The following ACVR1 variants were observed in gnomAD, a reference collection of about 807,000 sequenced individuals.
ACVR1 encodes the protein activin receptor type-1.
Under a neutral mutation model 57.1 loss-of-function variants are expected in ACVR1, and 38 were observed. The observed-to-expected ratio is 0.67, with a 90% CI of 0.51 to 0.87. The LOEUF is 0.87. Among genes scored for constraint, ACVR1 ranks in the 40% least tolerant of loss-of-function variants. The pLI is 0.00. For missense variants in ACVR1, 463 were observed against 638.2 expected (o/e 0.73, Z 2.96); for synonymous variants, 212 against 228.1 (o/e 0.93, Z 0.63).
At chr2:157,834,747 A>G (rs1688718660) in intron 1 of ACVR1, among the ~76,000 whole-genome samples, 2 of 152,266 alleles carry the variant, frequency 1.3e-5, no homozygotes, top group East Asian at 3.9e-4. Context: ...TCAAATTCAT[A>G]TGTTGTAACC....
At chr2:157,769,734 G>A (rs1017503697) in intron 7 of ACVR1, among the ~76,000 whole-genome samples, 2 of 152,168 alleles carry the variant, frequency 1.3e-5, no homozygotes, top group African/African-American at 2.4e-5. Context: ...CACCATACAT[G>A]TATCAGTATA....
chr2:157,757,045 A>ATATAT (rs1559039330), intron 9 of ACVR1, among the ~76,000 whole-genome samples: 1,174 of 98,140 alleles, frequency 0.012, 9 homozygotes, highest in Middle Eastern at 0.043. Context: ...TATATATATA[A>ATATAT]AATAGAATAC....
chr2:157,814,556 C>A (rs1384671484), intron 2 of ACVR1, among the ~76,000 whole-genome samples: 5 of 152,210 alleles, frequency 3.3e-5, no homozygotes, highest in African/African-American at 9.7e-5. Context: ...GGTCTATAAA[C>A]AGAGCAACTT....
intron 2 of ACVR1, among the ~76,000 whole-genome samples, chr2:157,803,168 T>A (rs182296384): frequency 6.6e-6 from 1 of 151,948 alleles, no homozygotes; most frequent in Non-Finnish European, 1.5e-5. Flanking sequence ...ATTTTCCACG[T>A]CACAAAGCCA....
At position 157,737,173 on chromosome 2, in the gene ACVR1, C is replaced by T. The variant is rs79598188; in HGVS notation, c.*358G>A. 6.6e-3 allele frequency: 2,338 copies of T among 356,856 alleles called. 20 individuals are homozygous for T. The highest frequency in any genetic ancestry group is 0.011 in the South Asian group (302 of 26,916). The allele number at this position is 356,856 out of a possible 1,614,324, so 22.1% of individuals were successfully genotyped here. A position where few individuals can be genotyped will look rare whatever the true frequency, so the allele number is the denominator to read the frequency against. On this transcript the variant is annotated 3_prime_UTR_variant, in exon 11 of 11. Coordinates refer to ENST00000434821, the MANE Select transcript of ACVR1 (RefSeq NM_001111067.4). ...AAATTCACCACCTCCTTGAGTTTCC[C>T]GTGGGGAGTGTCTAGGAGACTTGTG... is the stretch of plus-strand genomic sequence containing the variant.
In ACVR1 at chr2:157,737,791, T is replaced by C. The variant is rs535456170; in HGVS notation, c.1396-126A>G. On this transcript the variant is annotated intron_variant, in intron 10 of 10. Coordinates refer to ENST00000434821, the MANE Select transcript of ACVR1 (RefSeq NM_001111067.4). ...TCTTGTGAAATTAGAGTTATGTTAC[T>C]GTCATCTTCTTCAAGCAAATATTCA... is the stretch of plus-strand genomic sequence containing the variant. 31 of 1,255,672 alleles carry C rather than the reference T, an allele frequency of 2.5e-5. No homozygotes were observed. The African/African-American group carries it at 3.6e-4, about 14-fold the overall frequency. 77.8% of individuals were successfully genotyped at this position (1,255,672 alleles called of 1,614,324 possible).
At chr2:157,853,957 G>A (rs938670404) in intron 1 of ACVR1, among the ~76,000 whole-genome samples, 8 of 151,986 alleles carry the variant, frequency 5.3e-5, no homozygotes, top group African/African-American at 1.2e-4. Flanking sequence ...TCTCCCTAAC[G>A]CAGGTTAAGT....
intron 1 of ACVR1, among the ~76,000 whole-genome samples, chr2:157,862,113 A>G (rs1383709354): frequency 1.3e-5 from 2 of 152,214 alleles, no homozygotes; most frequent in Non-Finnish European, 2.9e-5. Context: ...AAAATTATGC[A>G]TGACCCACAG....
intron 1 of ACVR1, among the ~76,000 whole-genome samples, chr2:157,859,743 A>T (rs200291899): frequency 6.6e-6 from 1 of 152,166 alleles, no homozygotes; most frequent in South Asian, 2.1e-4. Flanking sequence ...AATAAGTTCC[A>T]GCCCCCTAAT....
intron 9 of ACVR1, among the ~76,000 whole-genome samples, chr2:157,743,333 C>T (rs1281293500): frequency 6.6e-6 from 1 of 152,128 alleles, no homozygotes; most frequent in Non-Finnish European, 1.5e-5. Context: ...CATACTCAGT[C>T]ACTTTCCTGT....
chr2:157,856,134 G>A (rs1192717186), intron 1 of ACVR1, among the ~76,000 whole-genome samples: 3 of 152,034 alleles, frequency 2.0e-5, no homozygotes, highest in African/African-American at 7.2e-5. Flanking sequence ...CCTTAGTAGA[G>A]GTAGAAAAAA....
At chr2:157,822,476 A>C (rs1436138497) in intron 1 of ACVR1, among the ~76,000 whole-genome samples, 2 of 152,248 alleles carry the variant, frequency 1.3e-5, no homozygotes, top group African/African-American at 4.8e-5. Context: ...GACCATGAGA[A>C]ATGGGAATTT....
At chr2:157,751,064 G>A (rs1471031119) in intron 9 of ACVR1, among the ~76,000 whole-genome samples, 3 of 152,144 alleles carry the variant, frequency 2.0e-5, no homozygotes, top group Non-Finnish European at 4.4e-5. Flanking sequence ...AGAATCAACG[G>A]ACCCTTTGAA....
intron 7 of ACVR1, among the ~76,000 whole-genome samples, chr2:157,768,183 GC>G (rs1373238124): frequency 3.9e-5 from 6 of 152,040 alleles, no homozygotes; most frequent in African/African-American, 1.4e-4. Context: ...TATTCCCATG[GC>G]CAGCCCTGAG....
At chr2:157,795,920 C>A (rs1459245885) in intron 3 of ACVR1, among the ~76,000 whole-genome samples, 1 of 152,106 alleles carries the variant, frequency 6.6e-6, no homozygotes, top group East Asian at 1.9e-4. Flanking sequence ...ATGATATCAT[C>A]TGAACTGCCC....
intron 3 of ACVR1, among the ~76,000 whole-genome samples, chr2:157,796,056 T>C (rs1429902119): frequency 1.3e-5 from 2 of 151,418 alleles, no homozygotes; most frequent in Non-Finnish European, 2.9e-5. Flanking sequence ...AGACCCCAGC[T>C]CTACAAAAAA....
intron 7 of ACVR1, among the ~76,000 whole-genome samples, chr2:157,768,251 G>A (rs1685943988): frequency 6.6e-6 from 1 of 152,024 alleles, no homozygotes; most frequent in African/African-American, 2.4e-5. Flanking sequence ...TGCTTCTCTT[G>A]GAGCCCTTAG....
intron 1 of ACVR1, among the ~76,000 whole-genome samples, chr2:157,872,300 T>C (rs546115413): frequency 7.9e-5 from 12 of 152,366 alleles, no homozygotes; most frequent in African/African-American, 2.6e-4. Context: ...TAACATTTCA[T>C]CCAGGCCCTG....
intron 2 of ACVR1, among the ~76,000 whole-genome samples, chr2:157,811,971 A>C (rs966934628): frequency 1.3e-5 from 2 of 152,258 alleles, no homozygotes; most frequent in African/African-American, 4.8e-5. Flanking sequence ...GTTGTGTTTG[A>C]GGACTAGAAT....
Sources: gnomAD v4.1 joint callset for allele counts (sites outside exome capture counted in the v4.1 genomes callset) on GRCh38, gnomAD v4.1.1 for gene constraint, MANE v1.5 for transcripts, NCBI Gene and HGNC (gene_info 2026-07-23, HGNC 2026-07-21) for gene names.